The following LAMP1 variants were observed in gnomAD, a reference collection of about 807,000 sequenced individuals.
LAMP1 encodes the protein lysosome associated membrane protein 1, also known as lysosome-associated membrane glycoprotein 1.
In LAMP1, 7 loss-of-function variants were observed where a neutral mutation model predicts 37.5. The observed-to-expected ratio is 0.19, with a 90% CI of 0.11 to 0.35. The LOEUF is 0.35. Among genes scored for constraint, LAMP1 ranks in the 10% least tolerant of loss-of-function variants. LAMP1 has a pLI of 1.00. For missense variants in LAMP1, 537 were observed against 552.8 expected (o/e 0.97, Z 0.29); for synonymous variants, 236 against 229.1 (o/e 1.03, Z -0.27).
rs1456051216 is a variant in LAMP1, at chr13:113,323,646, C to A, written c.*1225C>A. On this transcript the variant is annotated 3_prime_UTR_variant, in exon 9 of 9. Coordinates refer to ENST00000332556, the MANE Select transcript of LAMP1 (RefSeq NM_005561.4). ...TCATGTAACATGATAATTTTTAAATCATTAAAAAAATTACCTTTCATACAG... is the reference window on the plus strand; with the variant it reads ...TCATGTAACATGATAATTTTTAAATAATTAAAAAAATTACCTTTCATACAG... 1 of 151,792 alleles carries A rather than the reference C, an allele frequency of 6.6e-6. No individual in the cohort carries two copies. The highest frequency in any genetic ancestry group is 1.9e-4 in the East Asian group (1 of 5,172). The allele number at this position is 151,792 out of a possible 1,614,324, so 9.4% of individuals were successfully genotyped here.
At chr13:113,322,136 C>G in intron 8 of LAMP1, 146 bp from the exon 9 acceptor site, 1 of 910,146 alleles carries the variant, frequency 1.1e-6, no homozygotes, top group Non-Finnish European at 1.7e-6. Flanking sequence ...AGCGGCTTCC[C>G]CAAGTGACAA....
rs2042697383 is a variant in LAMP1, at chr13:113,321,249, C to A, written c.877-155C>A. ...ACACAACGCCTTTTATAGACAAGAT[C>A]TTTTGCAGTTTTGTTCTAATACTAG... On this transcript the variant is annotated intron_variant, in intron 6 of 8. Transcript: ENST00000332556. This position sits in a 1 kb window ranked among gnomAD's most constrained non-coding sequence, Gnocchi z 5.6. 3 of 704,436 alleles carry A rather than the reference C, an allele frequency of 4.3e-6. No individual in the cohort carries two copies. The highest frequency in any genetic ancestry group is 2.6e-5 in the East Asian group (1 of 38,498). The allele number at this position is 704,436 out of a possible 1,614,324, so 43.6% of individuals were successfully genotyped here.
intron 4 of LAMP1, among the ~76,000 whole-genome samples, chr13:113,312,531 C>G (rs572328698): frequency 6.6e-6 from 1 of 152,314 alleles, no homozygotes; most frequent in South Asian, 2.1e-4. Context: ...ACTTGGAAAC[C>G]CCGGGTGTGA....
chr13:113,301,570 C>T (rs767060101), intron 1 of LAMP1, among the ~76,000 whole-genome samples: 16 of 146,618 alleles, frequency 1.1e-4, no homozygotes, highest in Non-Finnish European at 2.2e-4. Context: ...TTGCAGTGAG[C>T]GAAGATCATG....
chr13:113,317,695 G>C (rs1247435428), intron 4 of LAMP1, among the ~76,000 whole-genome samples: 3 of 143,914 alleles, frequency 2.1e-5, no homozygotes, highest in African/African-American at 7.8e-5. Context: ...CCGTGAAGCT[G>C]CTTTTTTTTT....
At chr13:113,306,445 G>A in intron 1 of LAMP1, 40 bp from the exon 2 acceptor site, 1 of 1,600,470 alleles carries the variant, frequency 6.2e-7, no homozygotes, top group East Asian at 2.3e-5. Context: ...GTATTTTCTG[G>A]ACAGTTTTTG....
chr13:113,297,499 AG>A lies in LAMP1; in HGVS notation c.61+9del. On this transcript the variant is annotated splice_donor_5th_base_variant and intron_variant, in intron 1 of 8. Transcript: ENST00000332556. The surrounding 1 kb of genome is among the most constrained non-coding windows in gnomAD (Gnocchi z 4.4). ...CTACTGCTGTTGCTGCTGCTCGGTG[AG>A]GGGGTCGAGGCGGGGCCTGGGAGCG... 3 of 1,245,882 alleles carry A rather than the reference AG, an allele frequency of 2.4e-6. No individual in the cohort carries two copies. The highest frequency in any genetic ancestry group is 2.0e-6 in the Non-Finnish European group (2 of 996,118). The allele number at this position is 1,245,882 out of a possible 1,614,324, so 77.2% of individuals were successfully genotyped here.
intron 4 of LAMP1, among the ~76,000 whole-genome samples, chr13:113,312,716 T>G (rs1279212923): frequency 6.6e-6 from 1 of 152,124 alleles, no homozygotes; most frequent in Non-Finnish European, 1.5e-5. Context: ...CCTGGAGTCG[T>G]GTCTGCTTCA....
intron 2 of LAMP1, among the ~76,000 whole-genome samples, chr13:113,308,630 G>T (rs2042613231): frequency 6.6e-6 from 1 of 152,066 alleles, no homozygotes. Context: ...TGGTCTCCAA[G>T]CACTTTTTAT....
Position 113,314,104 on chromosome 13 carries a change from G to C in LAMP1, c.562+3237G>C, listed in dbSNP as rs1416720149. Among the ~76,000 whole-genome samples the C allele has an allele frequency of 1.7e-5, 2 of 116,088 alleles. 1 individual carries two copies. Among genetic ancestry groups the C allele is most frequent in the Non-Finnish European group, 3.4e-5 (2 of 59,656 alleles). 76.2% of individuals were successfully genotyped at this position (116,088 alleles called of 152,430 possible). A position where few individuals can be genotyped will look rare whatever the true frequency, so the allele number is the denominator to read the frequency against. On this transcript the variant is annotated intron_variant, in intron 4 of 8. Transcript: ENST00000332556. Reference sequence around the variant, plus strand: ...GGAGGGAACCAGTGTGGAGATGCCCGTGTGCCTGGGGCGTGGCCTCCCGGA... The same window carrying C: ...GGAGGGAACCAGTGTGGAGATGCCCCTGTGCCTGGGGCGTGGCCTCCCGGA...
intron 3 of LAMP1, 73 bp downstream of exon 3, chr13:113,309,935 C>G: frequency 1.6e-6 from 2 of 1,227,240 alleles, no homozygotes; most frequent in Non-Finnish European, 2.4e-6. Context: ...TTACTTTTAC[C>G]TAAGAAGTAC....
chr13:113,316,839 T>C (rs2042667978), intron 4 of LAMP1, among the ~76,000 whole-genome samples: 1 of 148,170 alleles, frequency 6.7e-6, no homozygotes, highest in Non-Finnish European at 1.5e-5. Context: ...CGCTGCACTC[T>C]AGCCTGGGTG....
chr13:113,310,779 C>T lies in LAMP1; in HGVS notation c.474C>T (p.Gly158=). Residue 158 remains glycine, a synonymous_variant, in exon 4 of 9, where the codon GGC becomes GGT. Coordinates refer to ENST00000332556, the MANE Select transcript of LAMP1 (RefSeq NM_005561.4). ...DIDKKYRCVS[G]TQVHMNNVTV... is the part of the protein sequence containing the mutation. ...ATAAAAAATACAGATGTGTTAGTGG[C>T]ACCCAGGTCCACATGAACAACGTGA... The T allele has an allele frequency of 6.2e-7, 1 of 1,612,944 alleles. No homozygotes were observed. The highest frequency in any genetic ancestry group is 1.7e-5 in the Admixed American group (1 of 59,940).
At chr13:113,311,539 C>G (rs1043729416) in intron 4 of LAMP1, among the ~76,000 whole-genome samples, 1 of 152,192 alleles carries the variant, frequency 6.6e-6, no homozygotes, top group Non-Finnish European at 1.5e-5. Context: ...ATAGTCTTAT[C>G]TCCATCCAGC....
rs764562689 is a variant in LAMP1 at position 113,309,698 on chromosome 13, G to A, written c.239G>A (p.Cys80Tyr). The change falls in exon 3 of 9, where the codon TGT (cysteine) becomes TAT (tyrosine). Residue 80 changes from cysteine (C) to tyrosine (Y), a missense_variant. Cys to Tyr is a radical substitution (Grantham distance 194). Coordinates refer to ENST00000332556, the MANE Select transcript of LAMP1 (RefSeq NM_005561.4). The stretch of plus-strand genomic sequence containing the variant: ...ACAGTGGTGCTCAACCGCAGCTCCT[G>A]TGGAAAAGAGAACACTTCTGACCCC... ...DATVVLNRSS[C>Y]GKENTSDPSL... 3.7e-6 allele frequency: 6 copies of A among 1,614,200 alleles called. No homozygotes were observed. The South Asian group carries it at 6.6e-5, about 18-fold the overall frequency.
At chr13:113,312,763 G>A (rs374494436) in intron 4 of LAMP1, among the ~76,000 whole-genome samples, 1 of 152,144 alleles carries the variant, frequency 6.6e-6, no homozygotes, top group Non-Finnish European at 1.5e-5. Flanking sequence ...CACATGGGCC[G>A]CGTGTGTCTG....
chr13:113,306,371 A>C, intron 1 of LAMP1, 114 bp from the exon 2 acceptor site: 1 of 1,190,666 alleles, frequency 8.4e-7, no homozygotes, highest in Non-Finnish European at 1.2e-6. Flanking sequence ...AAAAAAGAGA[A>C]ACAGTGGAAT....
chr13:113,298,002 T>C (rs542900038), intron 1 of LAMP1, among the ~76,000 whole-genome samples: 1 of 152,356 alleles, frequency 6.6e-6, no homozygotes, highest in East Asian at 1.9e-4. Context: ...CCTTTGTACT[T>C]GAACCTTTCT....
chr13:113,319,712 T>C (rs1327719602), intron 5 of LAMP1, 56 bp downstream of exon 5: 2 of 1,514,104 alleles, frequency 1.3e-6, no homozygotes, highest in Admixed American at 3.5e-5. Context: ...CTGGAGCCTC[T>C]GCTCCCTGTG....
Sources: gnomAD v4.1 joint callset for allele counts (sites outside exome capture counted in the v4.1 genomes callset) on GRCh38, gnomAD v4.1.1 for gene constraint, Gnocchi (gnomAD v3.1) non-coding constraint, MANE v1.5 for transcripts, NCBI Gene and HGNC (gene_info 2026-07-23, HGNC 2026-07-21) for gene names.